Variants in ADCY2 observed in about 807,000 individuals in gnomAD.
ADCY2 encodes the protein adenylate cyclase type 2.
A neutral mutation model predicts 125.2 loss-of-function variants in ADCY2; 31 were observed. The observed-to-expected ratio is 0.25, with a 90% CI of 0.19 to 0.33. The LOEUF is 0.33. Ranked by LOEUF, ADCY2 falls within the 10% of genes least tolerant of loss-of-function variation. The pLI, the probability that ADCY2 is intolerant of heterozygous loss-of-function variation, is 1.00. For synonymous variants in ADCY2, 512 were observed against 548.4 expected, an observed-to-expected ratio of 0.93 and a Z score of 0.93; for missense variants, 904 against 1,418.2, an observed-to-expected ratio of 0.64 and a Z score of 5.82.
chr5:7,419,657 G>C (rs1340697105), intron 2 of ADCY2, among the ~76,000 whole-genome samples: 1 of 152,130 alleles, frequency 6.6e-6, no homozygotes, highest in Non-Finnish European at 1.5e-5. Flanking sequence ...CTGTCCTGGG[G>C]TCTAAGCCCC....
At chr5:7,684,775 C>CTTTTT (rs10662818) in intron 4 of ADCY2, among the ~76,000 whole-genome samples, 2 of 141,436 alleles carry the variant, frequency 1.4e-5, no homozygotes, top group Admixed American at 7.0e-5. Context: ...TCTGTTGTGC[C>CTTTTT]TTTTTTTTTT....
intron 2 of ADCY2, among the ~76,000 whole-genome samples, chr5:7,416,174 T>C (rs1310394467): frequency 6.6e-6 from 1 of 152,136 alleles, no homozygotes; most frequent in Non-Finnish European, 1.5e-5. Flanking sequence ...GTTCTGTTGG[T>C]AAGTAGTCAT....
chr5:7,419,629 T>C (rs1229448979), intron 2 of ADCY2, among the ~76,000 whole-genome samples: 1 of 152,050 alleles, frequency 6.6e-6, no homozygotes, highest in Non-Finnish European at 1.5e-5. Context: ...TAAGTTCCCA[T>C]CATAAACCAC....
intron 14 of ADCY2, among the ~76,000 whole-genome samples, chr5:7,742,711 C>A (rs2126431647): frequency 6.6e-6 from 1 of 152,304 alleles, no homozygotes; most frequent in Middle Eastern, 3.4e-3. Context: ...AGGAGTGCAC[C>A]TGCAGGAGGA....
Position 7,802,262 on chromosome 5 carries a change from C to A in ADCY2, c.2673C>A (p.Ala891=), listed in dbSNP as rs1242602246. ...ATGACTGCGTCTGCGTCATGTTTGC[C>A]TCCATTCCGGATTTCAAAGAATTTT... ...QSYDCVCVMF[A]SIPDFKEFYT... Residue 891 remains alanine (A), a synonymous_variant, in exon 21 of 25, where the codon GCC becomes GCA. Transcript: ENST00000338316. The surrounding 1 kb of genome is among the most constrained non-coding windows in gnomAD (Gnocchi z 4.6). 1 of 1,613,954 alleles carries A rather than the reference C, an allele frequency of 6.2e-7. No individual in the cohort carries two copies. Among genetic ancestry groups the A allele is most frequent in the Non-Finnish European group, 8.5e-7 (1 of 1,179,942 alleles).
rs141364536 is a variant in ADCY2 at position 7,484,992 on chromosome 5, T to C, written c.409-35746T>C. ...CCATGCCAATCTGGAGTGGATGACA[T>C]CAGAAAGGAGGTAAGAGGAGCCAGA... is the stretch of plus-strand genomic sequence containing the variant. On this transcript the variant is annotated intron_variant, in intron 2 of 24. Coordinates refer to ENST00000338316, the MANE Select transcript of ADCY2 (RefSeq NM_020546.3). Among the ~76,000 whole-genome samples the C allele has an allele frequency of 9.4e-3, 1,423 of 152,144 alleles. 28 individuals carry two copies. Among genetic ancestry groups the C allele is most frequent in the African/African-American group, 0.032 (1,344 of 41,500 alleles).
At chr5:7,564,346 T>C (rs947285658) in intron 3 of ADCY2, among the ~76,000 whole-genome samples, 1 of 152,214 alleles carries the variant, frequency 6.6e-6, no homozygotes, top group Admixed American at 6.5e-5. Flanking sequence ...ATATGAGTAA[T>C]GTACTTACTG....
intron 4 of ADCY2, among the ~76,000 whole-genome samples, chr5:7,682,425 CT>C (rs1276254412): frequency 6.6e-6 from 1 of 152,180 alleles, no homozygotes; most frequent in African/African-American, 2.4e-5. Context: ...GCTTTGCCCC[CT>C]TCTGTTGCTC....
intron 2 of ADCY2, among the ~76,000 whole-genome samples, chr5:7,493,318 T>A (rs1373179707): frequency 6.6e-6 from 1 of 152,050 alleles, no homozygotes; most frequent in Non-Finnish European, 1.5e-5. Flanking sequence ...GGGTAGCAGC[T>A]CTTCTATGAA....
At chr5:7,477,791 G>A (rs1165318793) in intron 2 of ADCY2, among the ~76,000 whole-genome samples, 5 of 152,130 alleles carry the variant, frequency 3.3e-5, no homozygotes, top group Non-Finnish European at 7.4e-5. Flanking sequence ...TGATGTGAAC[G>A]GGAATTGAAC....
intron 2 of ADCY2, among the ~76,000 whole-genome samples, chr5:7,501,131 TA>T (rs754532650): frequency 0.012 from 1,764 of 143,860 alleles, 14 homozygotes; most frequent in African/African-American, 0.026. Flanking sequence ...AGCTTTTTTT[TA>T]AAAAAAAAAA....
chr5:7,473,156 G>A (rs1579478753), intron 2 of ADCY2, among the ~76,000 whole-genome samples: 1 of 152,064 alleles, frequency 6.6e-6, no homozygotes, highest in Non-Finnish European at 1.5e-5. Context: ...GGCATAAAGG[G>A]TGTCTAAGTC....
At chr5:7,672,434 A>T (rs574405073) in intron 4 of ADCY2, among the ~76,000 whole-genome samples, 4 of 152,264 alleles carry the variant, frequency 2.6e-5, no homozygotes, top group African/African-American at 9.6e-5. Context: ...CTGTGGGTCA[A>T]ATCTGGCCTG....
chr5:7,468,576 A>G (rs531607275), intron 2 of ADCY2, among the ~76,000 whole-genome samples: 102 of 152,310 alleles, frequency 6.7e-4, no homozygotes, highest in African/African-American at 2.4e-3. Context: ...GGTTAATACT[A>G]TGTCACCAAT....
In ADCY2 at chr5:7,487,077, C is replaced by T. The variant is rs139740241; in HGVS notation, c.409-33661C>T. On this transcript the variant is annotated intron_variant, in intron 2 of 24. Transcript: ENST00000338316. Reference sequence around the variant, plus strand: ...GAGTTCATGCCTGTGAATGAAAGATCTGTCTTTCAAGATGTCTTAAAAAGG... The same window carrying T: ...GAGTTCATGCCTGTGAATGAAAGATTTGTCTTTCAAGATGTCTTAAAAAGG... Among the ~76,000 whole-genome samples the T allele has an allele frequency of 3.9e-5, 6 of 152,216 alleles. No homozygotes were observed. In the East Asian group the frequency reaches 1.2e-3, roughly 29 times the overall value.
intron 2 of ADCY2, among the ~76,000 whole-genome samples, chr5:7,468,311 G>A (rs1400519310): frequency 6.6e-6 from 1 of 152,050 alleles, no homozygotes; most frequent in Non-Finnish European, 1.5e-5. Context: ...TATGAATGAA[G>A]GACTCTTTGT....
chr5:7,490,683 ACACACACACAGG>A (rs1743130743), intron 2 of ADCY2, among the ~76,000 whole-genome samples: 1 of 151,146 alleles, frequency 6.6e-6, no homozygotes, highest in Non-Finnish European at 1.5e-5. Flanking sequence ...ACATGCATGC[ACACACACACAGG>A]CACACCATCA....
intron 3 of ADCY2, among the ~76,000 whole-genome samples, chr5:7,522,937 A>C (rs1182078881): frequency 2.7e-5 from 4 of 150,312 alleles, no homozygotes; most frequent in Non-Finnish European, 5.9e-5. Context: ...AAAAAAAAAC[A>C]AAAAAAAACA....
At chr5:7,760,053 C>T (rs951044902) in intron 16 of ADCY2, among the ~76,000 whole-genome samples, 1 of 152,170 alleles carries the variant, frequency 6.6e-6, no homozygotes, top group Admixed American at 6.5e-5. Context: ...TCTGCAGACA[C>T]ACCACGAGCC....
Sources: gnomAD v4.1 joint callset for allele counts (sites outside exome capture counted in the v4.1 genomes callset) on GRCh38, gnomAD v4.1.1 for gene constraint, Gnocchi (gnomAD v3.1) non-coding constraint, MANE v1.5 for transcripts, NCBI Gene and HGNC (gene_info 2026-07-23, HGNC 2026-07-21) for gene names.